EFHD2: variants seen among roughly 807,000 people sequenced by gnomAD.
EFHD2 encodes EF-hand domain family member D2, also known as EF-hand domain-containing protein D2.
Under a neutral mutation model 20.3 loss-of-function variants are expected in EFHD2, and 12 were observed. That is an observed-to-expected ratio of 0.59 (90% CI 0.38 to 0.96). The LOEUF is 0.96. Ranked by LOEUF, EFHD2 falls within the 40% of genes least tolerant of loss-of-function variation. The pLI, the probability that EFHD2 is intolerant of heterozygous loss-of-function variation, is 0.00. For synonymous variants in EFHD2, 131 were observed against 143.9 expected, an observed-to-expected ratio of 0.91 and a Z score of 0.64; for missense variants, 250 against 334.3, an observed-to-expected ratio of 0.75 and a Z score of 1.97.
intron 3 of EFHD2, 109 bp from the exon 4 acceptor site, chr1:15,428,484 G>A (rs1707909811): frequency 3.6e-6 from 5 of 1,380,142 alleles, no homozygotes; most frequent in Non-Finnish European, 9.7e-7. Flanking sequence ...GCGACAGAGC[G>A]AGACTTTGTC....
intron 1 of EFHD2, among the ~76,000 whole-genome samples, chr1:15,415,234 G>A (rs1707639566): frequency 6.6e-6 from 1 of 152,154 alleles, no homozygotes; most frequent in African/African-American, 2.4e-5. Context: ...ATAGAGGTTT[G>A]GGGATAGAGA....
At position 15,409,980 on chromosome 1, in the gene EFHD2, G is replaced by A; in HGVS notation, c.9G>A (p.Thr3=). ...GTGCCGCGCGGGCCACCATGGCCAC[G>A]GACGAGCTGGCCACCAAGCTGAGCC... The part of the protein sequence containing the change: MA[T]DELATKLSRR... The change falls in exon 1 of 4, where the codon ACG becomes ACA. Residue 3 remains threonine (T), a synonymous_variant. Transcript: ENST00000375980. 2 of 1,244,964 alleles carry A rather than the reference G, an allele frequency of 1.6e-6. No individual in the cohort carries two copies. Among genetic ancestry groups the A allele is most frequent in the Non-Finnish European group, 2.0e-6 (2 of 998,704 alleles). 77.1% of individuals were successfully genotyped at this position (1,244,964 alleles called of 1,614,324 possible). A position where few individuals can be genotyped will look rare whatever the true frequency, so the allele number is the denominator to read the frequency against.
At chr1:15,428,030 C>G (rs571943680) in intron 3 of EFHD2, 2 of 469,758 alleles carry the variant, frequency 4.3e-6, no homozygotes, top group African/African-American at 4.0e-5. Context: ...TCAATCCTCT[C>G]AACAACTCCC....
intron 1 of EFHD2, among the ~76,000 whole-genome samples, chr1:15,421,483 C>A (rs1349538793): frequency 6.6e-6 from 1 of 152,180 alleles, no homozygotes; most frequent in Non-Finnish European, 1.5e-5. Context: ...TATTGTCCCC[C>A]TGGGGGCCAG....
intron 3 of EFHD2, among the ~76,000 whole-genome samples, chr1:15,427,672 C>G (rs531211066): frequency 2.6e-5 from 4 of 152,208 alleles, no homozygotes; most frequent in Non-Finnish European, 5.9e-5. Flanking sequence ...TAGGAGGAAG[C>G]CTGCGGGCTC....
chr1:15,417,680 CTA>C (rs1356997770), intron 1 of EFHD2, among the ~76,000 whole-genome samples: 1 of 152,214 alleles, frequency 6.6e-6, no homozygotes, highest in East Asian at 1.9e-4. Context: ...TGGGCTTTCC[CTA>C]TATGAGTCAG....
In EFHD2 at chr1:15,413,264, G is replaced by C. The variant is rs1707576682; in HGVS notation, c.308+2985G>C. On this transcript the variant is annotated intron_variant, in intron 1 of 3. Coordinates refer to ENST00000375980, the MANE Select transcript of EFHD2 (RefSeq NM_024329.6). The surrounding 1 kb of genome is among the most constrained non-coding windows in gnomAD (Gnocchi z 4.4). ...CCAGTCACTAGAGCAGGAGGCAGGA[G>C]ACCATGAGGTCAGCAGGAGAATGGG... Among the ~76,000 whole-genome samples, 1 of 152,186 alleles carries C rather than the reference G, an allele frequency of 6.6e-6. No individual in the cohort carries two copies. Among genetic ancestry groups the C allele is most frequent in the African/African-American group, 2.4e-5 (1 of 41,440 alleles).
Position 15,429,278 on chromosome 1 carries a change from G to A in EFHD2, c.*554G>A, listed in dbSNP as rs1316715361. 1.3e-5 allele frequency: 2 copies of A among 155,674 alleles called. No homozygotes were observed. The highest frequency in any genetic ancestry group is 2.9e-5 in the Non-Finnish European group (2 of 70,150). 9.6% of individuals were successfully genotyped at this position (155,674 alleles called of 1,614,324 possible). On this transcript the variant is annotated 3_prime_UTR_variant, in exon 4 of 4. Coordinates refer to ENST00000375980, the MANE Select transcript of EFHD2 (RefSeq NM_024329.6). Reference sequence around the variant, plus strand: ...CCTCCCCAGGGCCTTTTCCTCCTCTGCGTCTTCCATCTACTGAAATGGGAG... The same window carrying A: ...CCTCCCCAGGGCCTTTTCCTCCTCTACGTCTTCCATCTACTGAAATGGGAG...
At chr1:15,425,342 T>C (rs889574655) in intron 1 of EFHD2, among the ~76,000 whole-genome samples, 2 of 152,052 alleles carry the variant, frequency 1.3e-5, no homozygotes, top group African/African-American at 2.4e-5. Flanking sequence ...CTGGCCAGCA[T>C]GGTGAAACAC....
intron 1 of EFHD2, among the ~76,000 whole-genome samples, chr1:15,419,553 T>C (rs1707752607): frequency 6.6e-6 from 1 of 152,168 alleles, no homozygotes; most frequent in Non-Finnish European, 1.5e-5. Flanking sequence ...GAGAAAAACT[T>C]CCAGCTGTTG....
Position 15,410,046 on chromosome 1 carries a change from G to T in EFHD2, c.75G>T (p.Pro25=). 7.7e-7 allele frequency: 1 copy of T among 1,301,822 alleles called. No homozygotes were observed. 80.6% of individuals were successfully genotyped at this position (1,301,822 alleles called of 1,614,324 possible). A position where few individuals can be genotyped will look rare whatever the true frequency, so the allele number is the denominator to read the frequency against. The change falls in exon 1 of 4, where the codon CCG becomes CCT. Residue 25 remains proline (P), a synonymous_variant. Coordinates refer to ENST00000375980, the MANE Select transcript of EFHD2 (RefSeq NM_024329.6). ...QMEGEGGGET[P]EQPGLNGAAA... Reference sequence around the variant, plus strand: ...AGGGCGAGGGCGGCGGCGAGACCCCGGAGCAGCCCGGGCTGAACGGGGCAG... The same window carrying T: ...AGGGCGAGGGCGGCGGCGAGACCCCTGAGCAGCCCGGGCTGAACGGGGCAG...
chr1:15,418,410 A>T (rs1423898193), intron 1 of EFHD2, among the ~76,000 whole-genome samples: 2 of 139,448 alleles, frequency 1.4e-5, no homozygotes, highest in Non-Finnish European at 3.0e-5. Context: ...GGTTCACGCC[A>T]TTCTCCTGCC....
Position 15,413,989 on chromosome 1 carries a change from A to C in EFHD2, c.308+3710A>C, listed in dbSNP as rs1557496873. ...GCTGGCTCTGGAACCCTCCTGTCAG[A>C]GAGGCAAAGAGAATGGCCCTGGAGA... On this transcript the variant is annotated intron_variant, in intron 1 of 3. Transcript: ENST00000375980. The surrounding 1 kb of genome is among the most constrained non-coding windows in gnomAD (Gnocchi z 4.4). Among the ~76,000 whole-genome samples, 1 of 152,202 alleles carries C rather than the reference A, an allele frequency of 6.6e-6. No homozygotes were observed. The highest frequency in any genetic ancestry group is 2.4e-5 in the African/African-American group (1 of 41,454).
chr1:15,410,399 A>C, intron 1 of EFHD2, 120 bp downstream of exon 1: 2 of 1,227,882 alleles, frequency 1.6e-6, no homozygotes, highest in Non-Finnish European at 2.2e-6. Context: ...GCTTCCCCGA[A>C]CCCAGACGCA....
chr1:15,419,573 A>C (rs2496314), intron 1 of EFHD2, among the ~76,000 whole-genome samples: 14,242 of 152,266 alleles, frequency 0.094, 2,148 homozygotes, highest in African/African-American at 0.32. Context: ...GGAATCCTGC[A>C]GTCTGCTGGC....
In EFHD2 at chr1:15,426,947, G is replaced by A. The variant is rs1456706492; in HGVS notation, c.457-203G>A. Among the ~76,000 whole-genome samples the A allele has an allele frequency of 6.6e-6, 1 of 152,178 alleles. No individual in the cohort carries two copies. The highest frequency in any genetic ancestry group is 1.5e-5 in the Non-Finnish European group (1 of 68,016). Reference sequence around the variant, plus strand: ...TAGGCCAGCATCCTGGGTGGCAGATGAGTCATATCTCCTCCCATTGTACAG... The same window carrying A: ...TAGGCCAGCATCCTGGGTGGCAGATAAGTCATATCTCCTCCCATTGTACAG... On this transcript the variant is annotated intron_variant, in intron 2 of 3. Coordinates refer to ENST00000375980, the MANE Select transcript of EFHD2 (RefSeq NM_024329.6). This position sits in a 1 kb window ranked among gnomAD's most constrained non-coding sequence, Gnocchi z 4.6.
chr1:15,428,040 C>A (rs72865121), intron 3 of EFHD2: 6,798 of 468,426 alleles, frequency 0.015, 415 homozygotes, highest in African/African-American at 0.12. Context: ...CAACAACTCC[C>A]TAAGATCAGA....
chr1:15,413,160 G>C lies in EFHD2; in HGVS notation c.308+2881G>C, dbSNP rs1366124508. On this transcript the variant is annotated intron_variant, in intron 1 of 3. Coordinates refer to ENST00000375980, the MANE Select transcript of EFHD2 (RefSeq NM_024329.6). The surrounding 1 kb of genome is among the most constrained non-coding windows in gnomAD (Gnocchi z 4.4). ...CTCCTGGGTCCAAGCAGGGTCCTAG[G>C]ATCAAAGCCAGGGCATCAGAGCCAG... Among the ~76,000 whole-genome samples the C allele has an allele frequency of 6.6e-6, 1 of 152,212 alleles. No individual in the cohort carries two copies. The highest frequency in any genetic ancestry group is 1.5e-5 in the Non-Finnish European group (1 of 68,030).
At chr1:15,411,386 AC>A in intron 1 of EFHD2, among the ~76,000 whole-genome samples, 1 of 151,012 alleles carries the variant, frequency 6.6e-6, no homozygotes, top group Non-Finnish European at 1.5e-5. Flanking sequence ...CTGTCCCCCC[AC>A]AAAAACAATC....
Sources: gnomAD v4.1 joint callset for allele counts (sites outside exome capture counted in the v4.1 genomes callset) on GRCh38, gnomAD v4.1.1 for gene constraint, Gnocchi (gnomAD v3.1) non-coding constraint, MANE v1.5 for transcripts, NCBI Gene and HGNC (gene_info 2026-07-23, HGNC 2026-07-21) for gene names.